Variants in SERPINA3 observed in about 807,000 individuals in gnomAD.
SERPINA3 encodes alpha-1-antichymotrypsin.
In SERPINA3, 32 loss-of-function variants were observed where a neutral mutation model predicts 26.8. The ratio of observed to expected loss-of-function variants is 1.20; its 90% CI spans 0.90 to 1.61. The LOEUF (loss-of-function observed/expected upper bound fraction) is 1.61. SERPINA3 is among the 40% of genes most tolerant of loss of function. The pLI, the probability that SERPINA3 is intolerant of heterozygous loss-of-function variation, is 0.00. For synonymous variants in SERPINA3, 252 were observed against 206.4 expected, an observed-to-expected ratio of 1.22 and a Z score of -1.89; for missense variants, 632 against 517.9, an observed-to-expected ratio of 1.22 and a Z score of -2.14.
intron 2 of SERPINA3, chr14:94,615,484 G>T (rs938890997): frequency 6.5e-6 from 3 of 459,386 alleles, no homozygotes; most frequent in Middle Eastern, 4.2e-4. Flanking sequence ...TGCACCTGGG[G>T]CTCCTGCCCT....
rs1234984396 is a variant in SERPINA3, at chr14:94,622,454, C to G, written c.1031C>G (p.Ser344Ter). ...GCCTTCACCAGCAAGGCTGACCTGT[C>G]AGGGATCACAGGGGCCAGGAACCTA... Reference protein sequence around the residue: ...EEAFTSKADLSGITGARNLAV... With the variant: ...EEAFTSKADL Residue 344 changes from serine (S) to a stop codon, truncating the protein, a stop_gained, in exon 4 of 5, where the codon TCA becomes TGA. Transcript: ENST00000393078. LOFTEE classifies it low-confidence loss of function (END_TRUNC). 2.5e-6 allele frequency: 4 copies of G among 1,614,038 alleles called. No individual in the cohort carries two copies. Among genetic ancestry groups the G allele is most frequent in the African/African-American group, 1.3e-5 (1 of 74,916 alleles).
At chr14:94,615,565 A>T (rs776626356) in intron 2 of SERPINA3, 1 of 405,672 alleles carries the variant, frequency 2.5e-6, no homozygotes, top group South Asian at 1.8e-5. Context: ...GGCTGGGGCC[A>T]TCTTCACAGG....
chr14:94,619,501 C>T (rs546757415), intron 3 of SERPINA3, 33 bp downstream of exon 3: 1 of 1,613,104 alleles, frequency 6.2e-7, no homozygotes, highest in South Asian at 1.1e-5. Flanking sequence ...GACCCCACAT[C>T]TCTCCACGTC....
intron 2 of SERPINA3, among the ~76,000 whole-genome samples, chr14:94,616,806 G>A (rs979559237): frequency 6.6e-6 from 1 of 152,164 alleles, no homozygotes; most frequent in Non-Finnish European, 1.5e-5. Flanking sequence ...AGATACTAAA[G>A]ACACTAGACT....
rs1566849022 is a variant in SERPINA3, at chr14:94,623,605, C to T, written c.1069-6C>T. 1 of 1,613,642 alleles carries T rather than the reference C, an allele frequency of 6.2e-7. No homozygotes were observed. Among genetic ancestry groups the T allele is most frequent in the African/African-American group, 1.3e-5 (1 of 75,002 alleles). On this transcript the variant is annotated splice_polypyrimidine_tract_variant and splice_region_variant and intron_variant, in intron 4 of 4. Transcript: ENST00000393078. ...TCCCGTGTGTAATGTTCTGCTGTCC[C>T]CACAGGTGGTCCATAAGGCTGTGCT...
At position 94,614,675 on chromosome 14, in the gene SERPINA3, G is replaced by T; in HGVS notation, c.234G>T (p.Leu78=). 1.2e-6 allele frequency: 2 copies of T among 1,614,076 alleles called. No homozygotes were observed. Among genetic ancestry groups the T allele is most frequent in the South Asian group, 2.2e-5 (2 of 91,062 alleles). The change falls in exon 2 of 5, where the codon CTG becomes CTT. Residue 78 remains leucine, a synonymous_variant. Transcript: ENST00000393078. ...ATAAGAATGTCATCTTCTCCCCACT[G>T]AGCATCTCCACCGCCTTGGCCTTCC... ...APDKNVIFSP[L]SISTALAFLS...
intron 2 of SERPINA3, among the ~76,000 whole-genome samples, chr14:94,617,413 G>A (rs566490685): frequency 1.3e-4 from 20 of 152,260 alleles, no homozygotes; most frequent in African/African-American, 4.6e-4. Flanking sequence ...GAGGGCACAA[G>A]AGAATGTAGG....
intron 2 of SERPINA3, 59 bp from the exon 3 acceptor site, chr14:94,619,135 AG>A: frequency 6.3e-7 from 1 of 1,599,970 alleles, no homozygotes; most frequent in Non-Finnish European, 8.6e-7. Flanking sequence ...CTGCGGAAGC[AG>A]GGTCGAGCAG....
At chr14:94,621,979 T>C (rs1294841526) in intron 3 of SERPINA3, among the ~76,000 whole-genome samples, 1 of 152,158 alleles carries the variant, frequency 6.6e-6, no homozygotes, top group Non-Finnish European at 1.5e-5. Flanking sequence ...TGAAGCAGGC[T>C]GCCATGCAGC....
chr14:94,616,089 G>C (rs139371289), intron 2 of SERPINA3, among the ~76,000 whole-genome samples: 2 of 152,148 alleles, frequency 1.3e-5, no homozygotes, highest in Admixed American at 1.3e-4. Flanking sequence ...ACTACTCCAC[G>C]CCTCACGTGC....
chr14:94,613,505 C>G (rs868049372), intron 1 of SERPINA3: 3 of 152,164 alleles, frequency 2.0e-5, no homozygotes, highest in African/African-American at 7.2e-5. Flanking sequence ...CTGCTCGGTA[C>G]GTCTAATATG....
At chr14:94,620,996 C>T (rs1349056476) in intron 3 of SERPINA3, among the ~76,000 whole-genome samples, 1 of 152,270 alleles carries the variant, frequency 6.6e-6, no homozygotes, top group Non-Finnish European at 1.5e-5. Context: ...CCCCTGTTTT[C>T]ACTGGGTGAT....
At chr14:94,621,718 T>G (rs1886208859) in intron 3 of SERPINA3, among the ~76,000 whole-genome samples, 1 of 151,754 alleles carries the variant, frequency 6.6e-6, no homozygotes, top group South Asian at 2.1e-4. Flanking sequence ...TCTAACACAA[T>G]CAGACTCTTC....
rs1885928632 is a variant in SERPINA3 at position 94,614,830 on chromosome 14, G to C, written c.389G>C (p.Ser130Thr). 1 of 1,614,046 alleles carries C rather than the reference G, an allele frequency of 6.2e-7. No individual in the cohort carries two copies. The stretch of plus-strand genomic sequence containing the variant: ...CTCCTGCGCACCCTCAATCAGTCCA[G>C]CGATGAGCTGCAGCTGAGTATGGGA... Reference protein sequence around the residue: ...QHLLRTLNQSSDELQLSMGNA... With the variant: ...QHLLRTLNQSTDELQLSMGNA... The change falls in exon 2 of 5, where the codon AGC (serine) becomes ACC (threonine). Residue 130 changes from serine to threonine, a missense_variant. By Grantham distance (58) the Ser-to-Thr change is moderately conservative (BLOSUM62 1). Transcript: ENST00000393078.
At chr14:94,619,883 C>G (rs982604856) in intron 3 of SERPINA3, 1 of 246,712 alleles carries the variant, frequency 4.1e-6, no homozygotes, top group Non-Finnish European at 7.9e-6. Flanking sequence ...TCAGCATTTG[C>G]TGCATGATTA....
chr14:94,619,898 A>G, intron 3 of SERPINA3: 1 of 238,312 alleles, frequency 4.2e-6, no homozygotes, highest in Non-Finnish European at 8.2e-6. Context: ...TGATTAATTG[A>G]GCACCTACTA....
At chr14:94,621,679 A>G (rs1438843077) in intron 3 of SERPINA3, among the ~76,000 whole-genome samples, 4 of 152,060 alleles carry the variant, frequency 2.6e-5, no homozygotes, top group Admixed American at 2.6e-4. Context: ...GGAACCTCCA[A>G]TTGATTGTTT....
At chr14:94,614,133 C>G (rs1044980716) in intron 1 of SERPINA3, 3 of 400,936 alleles carry the variant, frequency 7.5e-6, no homozygotes, top group Non-Finnish European at 1.4e-5. Flanking sequence ...CCAGGCAAAC[C>G]TGGCTGCCCA....
chr14:94,615,079 T>G lies in SERPINA3; in HGVS notation c.638T>G (p.Phe213Cys). 1.5e-5 allele frequency: 25 copies of G among 1,613,946 alleles called. No individual in the cohort carries two copies. Among genetic ancestry groups the G allele is most frequent in the Non-Finnish European group, 2.0e-5 (24 of 1,180,022 alleles). ...ATGGTCCTGGTGAATTACATCTTCT[T>G]TAAAGGTGAGTGTGCCTGGCTTGGG... ...TMMVLVNYIF[F>C]KAKWEMPFDP... The change falls in exon 2 of 5, where the codon TTT (phenylalanine) becomes TGT (cysteine). Residue 213 changes from phenylalanine (F) to cysteine (C), a missense_variant. Transcript: ENST00000393078.
Sources: allele counts gnomAD v4.1 joint callset (sites outside exome capture counted in the v4.1 genomes callset), GRCh38; gene constraint gnomAD v4.1.1; transcripts MANE v1.5; gene names NCBI Gene and HGNC (gene_info 2026-07-23, HGNC 2026-07-21).